MYO3A: variants seen among roughly 807,000 people sequenced by gnomAD.
The protein encoded by MYO3A is myosin IIIA, also known as myosin-IIIa.
MYO3A carries 180 observed loss-of-function variants against 192.7 expected under a neutral mutation model. That is an observed-to-expected ratio of 0.93 (90% CI 0.83 to 1.06). The LOEUF (loss-of-function observed/expected upper bound fraction) is 1.06. Ranked by LOEUF, MYO3A falls within the 50% of genes least tolerant of loss-of-function variation. The probability of loss-of-function intolerance (pLI) is 0.00; values close to 1 mark genes in which losing one functional copy is unlikely to be tolerated. For synonymous variants in MYO3A, 628 were observed against 645.3 expected, an observed-to-expected ratio of 0.97 and a Z score of 0.41; for missense variants, 1,896 against 1,905.0, an observed-to-expected ratio of 1.00 and a Z score of 0.09.
chr10:26,081,184 C>CGG (rs1217556794), intron 14 of MYO3A, among the ~76,000 whole-genome samples: 1 of 134,696 alleles, frequency 7.4e-6, no homozygotes, highest in Non-Finnish European at 1.6e-5. Flanking sequence ...GACCGTCAGG[C>CGG]GGGGGCAGGG....
intron 4 of MYO3A, among the ~76,000 whole-genome samples, chr10:25,980,624 T>G (rs1839271655): frequency 6.6e-6 from 1 of 152,202 alleles, no homozygotes; most frequent in South Asian, 2.1e-4. Flanking sequence ...CTAGGGGCAC[T>G]TCATTTATAT....
Position 26,096,690 on chromosome 10 carries a change from T to C in MYO3A, c.1776+8T>C, listed in dbSNP as rs762914265. 2.0e-6 allele frequency: 3 copies of C among 1,520,204 alleles called. No individual in the cohort carries two copies. The highest frequency in any genetic ancestry group is 2.3e-5 in the East Asian group (1 of 44,328). The allele number at this position is 1,520,204 out of a possible 1,614,324, so 94.2% of individuals were successfully genotyped here. On this transcript the variant is annotated splice_region_variant and intron_variant, in intron 17 of 34. Coordinates refer to ENST00000642920, the MANE Select transcript of MYO3A (RefSeq NM_017433.5). ...ATAGGTTTTACAATGGAGGTAAGTA[T>C]GAAAGACACTTGAACTTCTTTAGAA...
At chr10:26,047,587 C>A (rs578207162) in intron 10 of MYO3A, among the ~76,000 whole-genome samples, 1 of 152,060 alleles carries the variant, frequency 6.6e-6, no homozygotes, top group Non-Finnish European at 1.5e-5. Flanking sequence ...TCCTGGCTAA[C>A]ACGGTGAAAC....
At chr10:25,983,318 C>T (rs192270491) in intron 4 of MYO3A, among the ~76,000 whole-genome samples, 8 of 151,316 alleles carry the variant, frequency 5.3e-5, no homozygotes, top group South Asian at 4.2e-4. Flanking sequence ...TGCAGTGGTG[C>T]GATCTCGGCT....
At chr10:26,019,145 G>A (rs1459849902) in intron 7 of MYO3A, among the ~76,000 whole-genome samples, 1 of 151,732 alleles carries the variant, frequency 6.6e-6, no homozygotes, top group African/African-American at 2.4e-5. Context: ...CCTCATCTTT[G>A]CCTAAACTCT....
intron 10 of MYO3A, among the ~76,000 whole-genome samples, chr10:26,050,500 A>C (rs557019891): frequency 6.6e-6 from 1 of 152,208 alleles, no homozygotes; most frequent in Non-Finnish European, 1.5e-5. Context: ...ACAAAATTCT[A>C]CTTACAGAAA....
Position 26,174,573 on chromosome 10 carries a change from A to C in MYO3A, c.4293+16A>C, listed in dbSNP as rs773977615. 1.7e-5 allele frequency: 27 copies of C among 1,596,880 alleles called. No homozygotes were observed. The highest frequency in any genetic ancestry group is 2.3e-5 in the Non-Finnish European group (27 of 1,165,598). On this transcript the variant is annotated intron_variant, in intron 30 of 34. Transcript: ENST00000642920. ...TTCAAAACAGGTATGTGAATAAATA[A>C]ATTTATTTACTAATAAAAGTCCCTG...
At chr10:26,144,177 T>C (rs1264142302) in intron 21 of MYO3A, among the ~76,000 whole-genome samples, 4 of 151,970 alleles carry the variant, frequency 2.6e-5, no homozygotes, top group African/African-American at 9.7e-5. Context: ...TTCAAGCTGG[T>C]TAAAATGAAA....
intron 32 of MYO3A, among the ~76,000 whole-genome samples, chr10:26,196,912 T>C (rs1469701657): frequency 1.3e-5 from 2 of 152,246 alleles, no homozygotes; most frequent in Non-Finnish European, 2.9e-5. Flanking sequence ...GCATCCATCG[T>C]CTCAAGCATT....
chr10:26,193,062 G>T, intron 31 of MYO3A, 143 bp from the exon 32 acceptor site: 2 of 703,626 alleles, frequency 2.8e-6, no homozygotes, highest in Non-Finnish European at 4.9e-6. Context: ...GATAAGGGTT[G>T]GTTATGCAGC....
intron 20 of MYO3A, among the ~76,000 whole-genome samples, chr10:26,132,232 T>C (rs530638425): frequency 2.0e-5 from 3 of 152,354 alleles, no homozygotes. Flanking sequence ...CAAACTGTGA[T>C]ATAACGACTG....
intron 6 of MYO3A, among the ~76,000 whole-genome samples, chr10:26,002,568 A>G (rs965509534): frequency 1.2e-4 from 19 of 152,134 alleles, no homozygotes; most frequent in African/African-American, 4.3e-4. Flanking sequence ...ATGACCGAGC[A>G]GGTAATCGGA....
In MYO3A at chr10:26,120,767, A is replaced by T. The variant is rs746484434; in HGVS notation, c.1868A>T (p.Lys623Met). 6.2e-7 allele frequency: 1 copy of T among 1,614,142 alleles called. No individual in the cohort carries two copies. Among genetic ancestry groups the T allele is most frequent in the Non-Finnish European group, 8.5e-7 (1 of 1,180,000 alleles). The change falls in exon 18 of 35, where the codon AAG becomes ATG. Residue 623 changes from lysine (K) to methionine (M), a missense_variant. Lys to Met is a moderately conservative substitution (Grantham distance 95). Coordinates refer to ENST00000642920, the MANE Select transcript of MYO3A (RefSeq NM_017433.5). ...SSVATEHQIDKSHISNHTALE... is the reference protein window; with the variant it reads ...SSVATEHQIDMSHISNHTALE... ...GTGGCAACTGAACACCAGATTGACA[A>T]GAGCCACATTTCTAATCATACAGCC...
intron 27 of MYO3A, 167 bp downstream of exon 27, chr10:26,166,345 A>G: frequency 2.9e-6 from 2 of 683,928 alleles, no homozygotes; most frequent in Non-Finnish European, 5.0e-6. Flanking sequence ...TTTTTCGTCA[A>G]CATTAAAGGC....
At chr10:26,078,533 T>C (rs1835737236) in intron 14 of MYO3A, among the ~76,000 whole-genome samples, 1 of 152,080 alleles carries the variant, frequency 6.6e-6, no homozygotes, top group Non-Finnish European at 1.5e-5. Flanking sequence ...TCTTGGTTAT[T>C]TCCTTTCTTC....
intron 14 of MYO3A, among the ~76,000 whole-genome samples, chr10:26,082,758 C>T (rs757145743): frequency 3.5e-4 from 15 of 42,258 alleles, no homozygotes; most frequent in South Asian, 2.4e-3. Context: ...CTCTCTTTTT[C>T]TCTCTCTCTC....
chr10:26,145,990 T>C (rs1840442413), intron 22 of MYO3A, among the ~76,000 whole-genome samples: 1 of 152,208 alleles, frequency 6.6e-6, no homozygotes, highest in Admixed American at 6.5e-5. Flanking sequence ...TTTCAGACTT[T>C]AGATGATTCT....
At chr10:26,182,066 A>T (rs555907267) in intron 31 of MYO3A, among the ~76,000 whole-genome samples, 20 of 152,350 alleles carry the variant, frequency 1.3e-4, no homozygotes, top group Non-Finnish European at 2.6e-4. Context: ...AATTCAGCTT[A>T]ATCTTCACAT....
intron 20 of MYO3A, among the ~76,000 whole-genome samples, chr10:26,132,099 A>G (rs537713441): frequency 6.6e-5 from 10 of 152,342 alleles, no homozygotes; most frequent in African/African-American, 2.2e-4. Flanking sequence ...TTGCCAAGAA[A>G]GGAAGTGTTT....
Sources: gnomAD v4.1 joint callset for allele counts (sites outside exome capture counted in the v4.1 genomes callset) on GRCh38, gnomAD v4.1.1 for gene constraint, MANE v1.5 for transcripts, NCBI Gene and HGNC (gene_info 2026-07-23, HGNC 2026-07-21) for gene names.